Variants in ITSN2 observed in about 807,000 individuals in gnomAD.
ITSN2 encodes intersectin-2.
ITSN2 carries 156 observed loss-of-function variants against 243.7 expected under a neutral mutation model. The ratio of observed to expected loss-of-function variants is 0.64; its 90% CI spans 0.56 to 0.73. ITSN2 has a LOEUF of 0.73. ITSN2 is among the 30% of genes least tolerant of loss of function. The pLI is 0.00. For missense variants in ITSN2, 1,801 were observed against 1,996.1 expected, an observed-to-expected ratio of 0.90 and a Z score of 1.86; for synonymous variants, 703 against 699.9, an observed-to-expected ratio of 1.00 and a Z score of -0.07.
At position 24,308,709 on chromosome 2, in the gene ITSN2, C is replaced by T. The variant is rs2151723441; in HGVS notation, c.701G>A (p.Gly234Glu). 1.3e-6 allele frequency: 2 copies of T among 1,527,452 alleles called. No individual in the cohort carries two copies. Among genetic ancestry groups the T allele is most frequent in the Non-Finnish European group, 8.8e-7 (1 of 1,130,690 alleles). The allele number at this position is 1,527,452 out of a possible 1,614,324, so 94.6% of individuals were successfully genotyped here. ...ASLSGNSPKT[G>E]TSEWAVPQPT... ...CTGAGGAACTGCCCACTCTGAGGTCCCAGTCTTGGGTGAGTTCCCTGAGAG... is the reference window on the plus strand; with the variant it reads ...CTGAGGAACTGCCCACTCTGAGGTCTCAGTCTTGGGTGAGTTCCCTGAGAG... Residue 234 changes from glycine to glutamate, a missense_variant, in exon 8 of 40, where the codon GGG becomes GAG. Gly to Glu is a moderately conservative substitution (Grantham distance 98, BLOSUM62 -2). This residue lies in a region of ITSN2 where 787 missense variants were observed against 803.9 expected (regional missense o/e 0.98). Coordinates refer to ENST00000355123, the MANE Select transcript of ITSN2 (RefSeq NM_006277.3).
intron 39 of ITSN2, 50 bp from the exon 40 acceptor site, chr2:24,203,833 A>G: frequency 6.5e-7 from 1 of 1,537,532 alleles, no homozygotes; most frequent in Non-Finnish European, 8.9e-7. Flanking sequence ...TTATAAAATC[A>G]TTAAAGAGCT....
intron 17 of ITSN2, 94 bp from the exon 18 acceptor site, chr2:24,275,943 C>A: frequency 3.3e-6 from 3 of 906,314 alleles, no homozygotes; most frequent in South Asian, 2.5e-5. Flanking sequence ...GATAAAAATC[C>A]TATAGCAAGT....
At chr2:24,250,613 T>G (rs1475399349) in intron 25 of ITSN2, among the ~76,000 whole-genome samples, 1 of 152,184 alleles carries the variant, frequency 6.6e-6, no homozygotes, top group Non-Finnish European at 1.5e-5. Context: ...CCACTCAACA[T>G]GCAAAACAGA....
At chr2:24,288,241 C>T (rs1574160567) in intron 15 of ITSN2, among the ~76,000 whole-genome samples, 1 of 152,006 alleles carries the variant, frequency 6.6e-6, no homozygotes, top group Non-Finnish European at 1.5e-5. Flanking sequence ...GGTGGATATC[C>T]AGTTTTCCCA....
At chr2:24,348,940 A>G (rs541682950) in intron 1 of ITSN2, among the ~76,000 whole-genome samples, 2 of 152,312 alleles carry the variant, frequency 1.3e-5, no homozygotes, top group Admixed American at 1.3e-4. Context: ...ATATAATATC[A>G]AAAGAATCAT....
At chr2:24,322,974 C>T (rs1684758408) in intron 2 of ITSN2, among the ~76,000 whole-genome samples, 1 of 151,630 alleles carries the variant, frequency 6.6e-6, no homozygotes, top group Non-Finnish European at 1.5e-5. Context: ...CTCAATATCA[C>T]TATCATCAGG....
chr2:24,357,359 A>G (rs542374874), intron 1 of ITSN2, among the ~76,000 whole-genome samples: 1 of 152,338 alleles, frequency 6.6e-6, no homozygotes, highest in Non-Finnish European at 1.5e-5. Context: ...CATCATCCTC[A>G]GCAAACTAAC....
At chr2:24,340,786 A>T (rs893036270) in intron 1 of ITSN2, among the ~76,000 whole-genome samples, 6 of 152,174 alleles carry the variant, frequency 3.9e-5, no homozygotes, top group Non-Finnish European at 7.3e-5. Context: ...TATATGTTCT[A>T]GTTAGAGACC....
At chr2:24,252,073 C>T (rs376833897) in intron 25 of ITSN2, among the ~76,000 whole-genome samples, 1 of 152,170 alleles carries the variant, frequency 6.6e-6, no homozygotes, top group African/African-American at 2.4e-5. Context: ...TAGCAGTTAT[C>T]ATGAAGCTCA....
chr2:24,241,108 A>T (rs971123185), intron 29 of ITSN2: 7 of 152,110 alleles, frequency 4.6e-5, no homozygotes, highest in African/African-American at 1.4e-4. Flanking sequence ...TTCATTCTTG[A>T]CTAGAGCCCA....
At chr2:24,281,743 T>G (rs1168028745) in intron 17 of ITSN2, among the ~76,000 whole-genome samples, 1 of 152,228 alleles carries the variant, frequency 6.6e-6, no homozygotes, top group African/African-American at 2.4e-5. Flanking sequence ...TGCCTATTTC[T>G]CTCCTGAAAC....
intron 12 of ITSN2, among the ~76,000 whole-genome samples, chr2:24,299,181 C>T (rs1681405858): frequency 6.6e-6 from 1 of 152,020 alleles, no homozygotes; most frequent in Non-Finnish European, 1.5e-5. Flanking sequence ...CAGGCACACA[C>T]CACCACACAC....
At chr2:24,231,383 G>A (rs1671573466) in intron 29 of ITSN2, among the ~76,000 whole-genome samples, 1 of 152,236 alleles carries the variant, frequency 6.6e-6, no homozygotes, top group African/African-American at 2.4e-5. Context: ...TCAGGAGACA[G>A]TACAGCAGTG....
intron 29 of ITSN2, chr2:24,221,379 A>G: frequency 3.7e-6 from 1 of 273,740 alleles, no homozygotes; most frequent in Non-Finnish European, 6.9e-6. Context: ...AGTTACTGAA[A>G]TGATTAAATG....
chr2:24,204,221 A>G lies in ITSN2; in HGVS notation c.4936+24T>C. 6.2e-7 allele frequency: 1 copy of G among 1,612,738 alleles called. No individual in the cohort carries two copies. The highest frequency in any genetic ancestry group is 1.3e-5 in the African/African-American group (1 of 74,976). ...TCTAGGAAACTGGGAAAGCCTTTAG[A>G]TCCCCTGGCTGAGCGACACTTACCA... On this transcript the variant is annotated intron_variant, in intron 39 of 39. Transcript: ENST00000355123. The surrounding 1 kb of genome is among the most constrained non-coding windows in gnomAD (Gnocchi z 5.1).
chr2:24,279,658 G>A (rs949082876), intron 17 of ITSN2, among the ~76,000 whole-genome samples: 4 of 149,808 alleles, frequency 2.7e-5, no homozygotes, highest in Admixed American at 1.3e-4. Context: ...TAAGACTAGA[G>A]TTCACTTTTT....
intron 30 of ITSN2, 29 bp downstream of exon 30, chr2:24,220,916 C>T (rs200289543): frequency 8.9e-5 from 140 of 1,578,972 alleles, no homozygotes; most frequent in African/African-American, 1.1e-4. Context: ...GCAGATACCC[C>T]GAGAGCTAGC....
chr2:24,328,409 A>G (rs1006273428), intron 1 of ITSN2, among the ~76,000 whole-genome samples: 2 of 152,196 alleles, frequency 1.3e-5, no homozygotes, highest in African/African-American at 4.8e-5. Context: ...AATTTGGAAG[A>G]GAAAAAAATA....
intron 1 of ITSN2, chr2:24,330,459 G>T: frequency 1.5e-6 from 1 of 647,958 alleles, no homozygotes; most frequent in South Asian, 1.4e-5. Context: ...GGTGAAGAAC[G>T]AACCACAGAG....
Sources: gnomAD v4.1 joint callset for allele counts (sites outside exome capture counted in the v4.1 genomes callset) on GRCh38, gnomAD v4.1.1 for gene constraint, gnomAD v4.1.1 regional missense constraint, Gnocchi (gnomAD v3.1) non-coding constraint, MANE v1.5 for transcripts, NCBI Gene and HGNC (gene_info 2026-07-23, HGNC 2026-07-21) for gene names.